The following COL21A1 variants were observed in gnomAD, a reference collection of about 807,000 sequenced individuals.
COL21A1 encodes collagen alpha-1(XXI) chain.
In COL21A1, 149 loss-of-function variants were observed where a neutral mutation model predicts 137.9. The observed-to-expected ratio is 1.08, with a 90% confidence interval of 0.95 to 1.24. COL21A1 has a LOEUF of 1.24. Among genes scored for constraint, COL21A1 ranks in the 50% most tolerant of loss-of-function variants. The pLI is 0.00. For missense variants in COL21A1, 1,167 were observed against 1,158.4 expected, an observed-to-expected ratio of 1.01 and a Z score of -0.11; for synonymous variants, 456 against 391.5, an observed-to-expected ratio of 1.16 and a Z score of -1.95.
chr6:56,161,660 G>A (rs1776215499), intron 9 of COL21A1, among the ~76,000 whole-genome samples: 1 of 152,130 alleles, frequency 6.6e-6, no homozygotes, highest in Non-Finnish European at 1.5e-5. Flanking sequence ...CATTCCCTAT[G>A]TTTATCATTA....
chr6:56,305,748 T>A (rs986180704), intron 1 of COL21A1, among the ~76,000 whole-genome samples: 1 of 152,014 alleles, frequency 6.6e-6, no homozygotes, highest in African/African-American at 2.4e-5. Context: ...AAGGTTAATA[T>A]TGTTATGTGT....
At chr6:56,311,049 A>G (rs1764603770) in intron 1 of COL21A1, among the ~76,000 whole-genome samples, 1 of 152,216 alleles carries the variant, frequency 6.6e-6, no homozygotes, top group Non-Finnish European at 1.5e-5. Flanking sequence ...AAGATATAAC[A>G]AGTATTTAGC....
chr6:56,126,144 A>C lies in COL21A1; in HGVS notation c.1548T>G (p.Asp516Glu), dbSNP rs373582305. The C allele has an allele frequency of 1.3e-6, 2 of 1,545,414 alleles. No individual in the cohort carries two copies. Among genetic ancestry groups the C allele is most frequent in the Admixed American group, 3.9e-5 (2 of 50,802 alleles). ...GCCCAGGAAAACCAGGAAGTCCACGATCACCCTGAAAATAAAACTGAAATT... is the reference window on the plus strand; with the variant it reads ...GCCCAGGAAAACCAGGAAGTCCACGCTCACCCTGAAAATAAAACTGAAATT... Reference protein sequence around the residue: ...GEPGRDGDKGDRGLPGFPGLH... With the variant: ...GEPGRDGDKGERGLPGFPGLH... The change falls in exon 13 of 30, where the codon GAT becomes GAG. Residue 516 changes from aspartate to glutamate, a missense_variant. Asp to Glu is a conservative substitution (Grantham distance 45, BLOSUM62 2). Transcript: ENST00000244728.
At chr6:56,206,875 A>T (rs1779830768) in intron 1 of COL21A1, among the ~76,000 whole-genome samples, 1 of 151,964 alleles carries the variant, frequency 6.6e-6, no homozygotes. Context: ...GGAACTCAGG[A>T]TTAAGAAACT....
At chr6:56,066,780 G>C (rs1467315211) in intron 23 of COL21A1, among the ~76,000 whole-genome samples, 3 of 151,594 alleles carry the variant, frequency 2.0e-5, no homozygotes, top group African/African-American at 7.3e-5. Context: ...TTGCTGCTAA[G>C]ACACCCAAAA....
intron 1 of COL21A1, among the ~76,000 whole-genome samples, chr6:56,299,333 T>G (rs1764230820): frequency 6.6e-6 from 1 of 152,136 alleles, no homozygotes; most frequent in East Asian, 1.9e-4. Flanking sequence ...GAAAAATTGA[T>G]TTTACTTGTT....
At chr6:56,106,907 CT>C (rs1258304227) in intron 16 of COL21A1, among the ~76,000 whole-genome samples, 1 of 152,120 alleles carries the variant, frequency 6.6e-6, no homozygotes, top group Non-Finnish European at 1.5e-5. Flanking sequence ...CTGCCTCAGC[CT>C]CCTCAGTAGC....
chr6:56,247,450 G>A lies in COL21A1; in HGVS notation c.-102C>T, dbSNP rs931092793. 4 of 152,308 alleles carry A rather than the reference G, an allele frequency of 2.6e-5. No homozygotes were observed. The highest frequency in any genetic ancestry group is 1.3e-4 in the Admixed American group (2 of 15,284). The allele number at this position is 152,308 out of a possible 1,614,324, so 9.4% of individuals were successfully genotyped here. On this transcript the variant is annotated 5_prime_UTR_variant, in exon 1 of 30. Coordinates refer to ENST00000244728, the MANE Select transcript of COL21A1 (RefSeq NM_030820.4). ...AGCTGAGTGTTGCGCCAGGGGGACA[G>A]GTATGTTCCAGGCAGTGGCAAGCCC...
At chr6:56,312,049 C>G (rs1038253287) in intron 1 of COL21A1, among the ~76,000 whole-genome samples, 7 of 152,052 alleles carry the variant, frequency 4.6e-5, no homozygotes, top group Non-Finnish European at 8.8e-5. Flanking sequence ...AACTATTCAG[C>G]GAATCTGGAA....
chr6:56,271,031 T>C (rs1465313027), intron 1 of COL21A1, among the ~76,000 whole-genome samples: 1 of 152,124 alleles, frequency 6.6e-6, no homozygotes, highest in Non-Finnish European at 1.5e-5. Context: ...AACCTGAAAA[T>C]GTGGGAGCAA....
At chr6:56,098,566 AAT>A (rs1291485048) in intron 17 of COL21A1, among the ~76,000 whole-genome samples, 2 of 6,636 alleles carry the variant, frequency 3.0e-4, no homozygotes, top group Non-Finnish European at 2.6e-4. Flanking sequence ...TAAATATATA[AAT>A]ATATATAAAT....
upstream of COL21A1, among the ~76,000 whole-genome samples, chr6:56,251,036 C>T (rs1296797481): frequency 1.3e-5 from 2 of 152,272 alleles, no homozygotes; most frequent in Admixed American, 6.5e-5. Flanking sequence ...AATTAGAACA[C>T]AAGGGATCAA....
chr6:56,281,777 TC>T (rs1358263948), intron 1 of COL21A1, among the ~76,000 whole-genome samples: 2 of 152,158 alleles, frequency 1.3e-5, no homozygotes, highest in East Asian at 3.9e-4. Flanking sequence ...TAATTGAGCA[TC>T]GACTAGGTAG....
At position 56,069,107 on chromosome 6, in the gene COL21A1, C is replaced by G; in HGVS notation, c.2030G>C (p.Gly677Ala). The G allele has an allele frequency of 6.3e-7, 1 of 1,597,164 alleles. No homozygotes were observed. Among genetic ancestry groups the G allele is most frequent in the South Asian group, 1.1e-5 (1 of 88,248 alleles). The change falls in exon 22 of 30, where the codon GGA (glycine) becomes GCA (alanine). Residue 677 changes from glycine (G) to alanine (A), a missense_variant. By Grantham distance (60) the Gly-to-Ala change is moderately conservative. Coordinates refer to ENST00000244728, the MANE Select transcript of COL21A1 (RefSeq NM_030820.4). ...TGGTTCTCCTGGGGAACCCGTTGCT[C>G]CTGGTTCTCCCTATGTAACACAGAA... is the stretch of plus-strand genomic sequence containing the variant. Reference protein sequence around the residue: ...PGASGLKGEPGATGSPGEPGY... With the variant: ...PGASGLKGEPAATGSPGEPGY...
chr6:56,125,266 C>G (rs12154066), intron 14 of COL21A1: 26,392 of 169,142 alleles, frequency 0.16, 2,043 homozygotes, highest in Middle Eastern at 0.22. Flanking sequence ...TCATCCACCC[C>G]CCTCGGCCTC....
At chr6:56,120,951 G>A (rs918266797) in intron 16 of COL21A1, among the ~76,000 whole-genome samples, 2 of 152,146 alleles carry the variant, frequency 1.3e-5, no homozygotes, top group African/African-American at 4.8e-5. Context: ...GCTAAGATTT[G>A]GAAGTCACCT....
chr6:56,291,880 A>C (rs558155676), intron 1 of COL21A1, among the ~76,000 whole-genome samples: 4 of 152,274 alleles, frequency 2.6e-5, no homozygotes, highest in African/African-American at 9.6e-5. Context: ...CTTACATGTA[A>C]AGACTATTTT....
intron 12 of COL21A1, among the ~76,000 whole-genome samples, chr6:56,139,732 A>C (rs890288477): frequency 6.6e-6 from 1 of 152,198 alleles, no homozygotes; most frequent in African/African-American, 2.4e-5. Flanking sequence ...AACAGAAATC[A>C]CTGTAAAACC....
At chr6:56,150,749 A>G (rs1342853992) in intron 10 of COL21A1, among the ~76,000 whole-genome samples, 1 of 149,936 alleles carries the variant, frequency 6.7e-6, no homozygotes, top group Non-Finnish European at 1.5e-5. Context: ...TCTTCATGGA[A>G]TCCTAGAATA....
Sources: gnomAD v4.1 joint callset for allele counts (sites outside exome capture counted in the v4.1 genomes callset) on GRCh38, gnomAD v4.1.1 for gene constraint, MANE v1.5 for transcripts, NCBI Gene and HGNC (gene_info 2026-07-23, HGNC 2026-07-21) for gene names.